SYTL4: variants seen among roughly 807,000 people sequenced by gnomAD.
SYTL4 encodes the protein synaptotagmin like 4.
A neutral mutation model predicts 52.7 loss-of-function variants in SYTL4; 16 were observed. That is an observed-to-expected ratio of 0.30 (90% confidence interval 0.21 to 0.46). The LOEUF (loss-of-function observed/expected upper bound fraction) is 0.46, where lower values mean the gene tolerates loss of function less well. SYTL4 is among the 20% of genes least tolerant of loss of function. SYTL4 has a pLI of 1.00. For missense variants in SYTL4, 423 were observed against 519.9 expected (o/e 0.81, Z 1.81); for synonymous variants, 160 against 186.6 (o/e 0.86, Z 1.16).
At chrX:100,680,010 C>T (rs1044732332) in intron 17 of SYTL4, among the ~76,000 whole-genome samples, 1 of 112,130 alleles carries the variant, frequency 8.9e-6, no homozygotes, top group African/African-American at 3.2e-5. Flanking sequence ...TACTTTCTTT[C>T]ACCATCAATT....
At chrX:100,690,258 CAGA>C in intron 10 of SYTL4, 93 bp from the exon 11 acceptor site, 1 of 621,842 alleles carries the variant, frequency 1.6e-6, no homozygotes. Flanking sequence ...GAATAAGGCT[CAGA>C]TTTTCGCTAA....
Position 100,705,715 on chromosome X carries a change from T to C in SYTL4, c.-239-829A>G, listed in dbSNP as rs373161255. Among the ~76,000 whole-genome samples, 3 of 111,741 alleles carry C rather than the reference T, an allele frequency of 2.7e-5. No individual in the cohort carries two copies. In the East Asian group the frequency reaches 8.4e-4, roughly 31 times the overall value. ...ACGTTGGCATAATAATGAGACCAAG[T>C]AATATCAAAATCCAGGGAAGTAAGA... On this transcript the variant is annotated intron_variant, in intron 2 of 19. Coordinates refer to ENST00000372989, the MANE Select transcript of SYTL4 (RefSeq NM_001370165.1).
intron 17 of SYTL4, 110 bp downstream of exon 17, chrX:100,681,117 G>A: frequency 3.3e-6 from 2 of 598,926 alleles, no homozygotes; most frequent in Non-Finnish European, 5.6e-6. Flanking sequence ...CAGATCCAGG[G>A]AGCATCCCAA....
chrX:100,681,109 G>A, intron 17 of SYTL4, 118 bp downstream of exon 17: 1 of 562,878 alleles, frequency 1.8e-6, no homozygotes, highest in Non-Finnish European at 3.0e-6. Flanking sequence ...CTCCCTAGCA[G>A]ATCCAGGGAG....
Position 100,690,579 on chromosome X carries a change from T to C in SYTL4, c.701A>G (p.Lys234Arg), listed in dbSNP as rs1365835965. Residue 234 changes from lysine to arginine, a missense_variant, in exon 10 of 20, where the codon AAA (lysine) becomes AGA (arginine). Lys to Arg is a conservative substitution (Grantham distance 26, BLOSUM62 2). Transcript: ENST00000372989. ...FPEWKKMSAP[K>R]SQVEKETQPG... Reference sequence around the variant, plus strand: ...GAAGCTTACCTTTTCTACTTGAGATTTGGGAGCAGACATCTTCTTCCATTC... The same window carrying C: ...GAAGCTTACCTTTTCTACTTGAGATCTGGGAGCAGACATCTTCTTCCATTC... The C allele has an allele frequency of 1.7e-6, 2 of 1,203,906 alleles. No individual in the cohort carries two copies. The highest frequency in any genetic ancestry group is 3.5e-5 in the African/African-American group (2 of 56,728).
chrX:100,692,270 ATTAT>A (rs1213455254), intron 8 of SYTL4, among the ~76,000 whole-genome samples: 1 of 112,076 alleles, frequency 8.9e-6, no homozygotes, highest in Non-Finnish European at 1.9e-5. Flanking sequence ...TTTTAAACAA[ATTAT>A]TTATTTGGTT....
rs1371985183 is a variant in SYTL4 at position 100,674,792 on chromosome X, G to A, written c.*1236C>T. 8.9e-6 allele frequency: 1 copy of A among 111,894 alleles called. No individual in the cohort carries two copies. The highest frequency in any genetic ancestry group is 3.3e-5 in the African/African-American group (1 of 30,754). The allele number at this position is 111,894 out of a possible 1,213,427, so 9.2% of individuals were successfully genotyped here. A position where few individuals can be genotyped will look rare whatever the true frequency, so the allele number is the denominator to read the frequency against. ...TTGGGTAGAAACGCTTATGAGAATA[G>A]AAAGGTCAGTTTGATCAATGAGTAC... On this transcript the variant is annotated 3_prime_UTR_variant, in exon 20 of 20. Coordinates refer to ENST00000372989, the MANE Select transcript of SYTL4 (RefSeq NM_001370165.1).
intron 18 of SYTL4, 152 bp downstream of exon 18, chrX:100,679,161 G>T (rs979128990): frequency 2.2e-6 from 1 of 457,745 alleles, no homozygotes; most frequent in African/African-American, 2.4e-5. Context: ...GTGCAAAGGT[G>T]GTGAAGGTTT....
intron 8 of SYTL4, among the ~76,000 whole-genome samples, chrX:100,696,344 G>A (rs1481214880): frequency 1.8e-5 from 2 of 112,019 alleles, no homozygotes; most frequent in Non-Finnish European, 3.8e-5. Flanking sequence ...ATAGCAAGGA[G>A]GAAATGTAGA....
chrX:100,686,913 T>A, intron 14 of SYTL4, 132 bp from the exon 15 acceptor site: 1 of 808,996 alleles, frequency 1.2e-6, no homozygotes, highest in East Asian at 3.4e-5. Flanking sequence ...CTCTTAGACA[T>A]GCCATTCTTG....
intron 16 of SYTL4, among the ~76,000 whole-genome samples, chrX:100,683,108 T>C (rs2083408315): frequency 9.5e-6 from 1 of 105,361 alleles, no homozygotes; most frequent in African/African-American, 3.5e-5. Flanking sequence ...TGGTGCAGAC[T>C]AGAGGTGCCC....
chrX:100,688,217 CAA>C, intron 13 of SYTL4, 132 bp downstream of exon 13: 1 of 516,282 alleles, frequency 1.9e-6, no homozygotes, highest in South Asian at 3.3e-5. Context: ...AGGATAGGAA[CAA>C]ACAAATGATC....
intron 2 of SYTL4, among the ~76,000 whole-genome samples, chrX:100,725,789 G>A (rs1009473355): frequency 1.8e-5 from 2 of 111,031 alleles, no homozygotes; most frequent in Non-Finnish European, 3.8e-5. Context: ...GCTCTCAGTT[G>A]GTGCAACGTA....
At position 100,692,654 on chromosome X, in the gene SYTL4, G is replaced by A. The variant is rs146651583; in HGVS notation, c.540-1445C>T. 6.1e-3 allele frequency among the ~76,000 whole-genome samples: 683 copies of A among 111,062 alleles called. 5 individuals are homozygous for A. Among genetic ancestry groups the A allele is most frequent in the African/African-American group, 0.021 (636 of 30,543 alleles). On this transcript the variant is annotated intron_variant, in intron 8 of 19. Transcript: ENST00000372989. ...GAATTAGTGAGAGCAGCAGGAAAAG[G>A]GGGAAAAAACATCGATTCTTCCTCA...
Position 100,731,804 on chromosome X carries a change from A to G in SYTL4, c.-328+200T>C, listed in dbSNP as rs184572084. Among the ~76,000 whole-genome samples, 649 of 111,436 alleles carry G rather than the reference A, an allele frequency of 5.8e-3. 4 individuals are homozygous for G. Among genetic ancestry groups the G allele is most frequent in the African/African-American group, 0.02 (625 of 30,628 alleles). ...AGCAGACGGGAGTCCAAGCCTGGGGATGCGGTCGGGAGAGGCGGACGGGGA... is the reference window on the plus strand; with the variant it reads ...AGCAGACGGGAGTCCAAGCCTGGGGGTGCGGTCGGGAGAGGCGGACGGGGA... On this transcript the variant is annotated intron_variant, in intron 1 of 19. Coordinates refer to ENST00000372989, the MANE Select transcript of SYTL4 (RefSeq NM_001370165.1).
intron 8 of SYTL4, among the ~76,000 whole-genome samples, chrX:100,698,675 A>G (rs2858180): frequency 0.46 from 51,512 of 111,006 alleles, 10,640 homozygotes; most frequent in Non-Finnish European, 0.64. Flanking sequence ...CATTCTTAAC[A>G]TGTAAGAATA....
At chrX:100,728,111 G>A (rs1191703901) in intron 2 of SYTL4, among the ~76,000 whole-genome samples, 2 of 112,092 alleles carry the variant, frequency 1.8e-5, no homozygotes, top group Non-Finnish European at 3.8e-5. Flanking sequence ...GAAAAGTCCA[G>A]GGACTGAACC....
At chrX:100,681,183 A>T in intron 17 of SYTL4, 44 bp downstream of exon 17, 1 of 1,090,928 alleles carries the variant, frequency 9.2e-7, no homozygotes, top group Non-Finnish European at 1.3e-6. Context: ...CACAGATCCT[A>T]TGCAGAAGAC....
At chrX:100,688,563 CTTTTTTT>C (rs746602688) in intron 12 of SYTL4, 120 bp from the exon 13 acceptor site, 2 of 326,265 alleles carry the variant, frequency 6.1e-6, no homozygotes, top group Admixed American at 6.1e-5. Flanking sequence ...ACACATACTT[CTTTTTTT>C]TTTTTTTTTT....
Sources: allele counts gnomAD v4.1 joint callset (sites outside exome capture counted in the v4.1 genomes callset), GRCh38; gene constraint gnomAD v4.1.1; transcripts MANE v1.5; gene names NCBI Gene and HGNC (gene_info 2026-07-23, HGNC 2026-07-21).